The following NRG2 variants were observed in gnomAD, a reference collection of about 807,000 sequenced individuals.
The protein encoded by NRG2 is pro-neuregulin-2, membrane-bound isoform.
A neutral mutation model predicts 73.9 loss-of-function variants in NRG2; 27 were observed. The ratio of observed to expected loss-of-function variants is 0.37; its 90% confidence interval spans 0.27 to 0.50. The LOEUF (loss-of-function observed/expected upper bound fraction) is 0.50, where lower values mean the gene tolerates loss of function less well. Ranked by LOEUF, NRG2 falls within the 20% of genes least tolerant of loss-of-function variation. NRG2 has a pLI of 0.96. For synonymous variants in NRG2, 532 were observed against 541.0 expected, an observed-to-expected ratio of 0.98 and a Z score of 0.23; for missense variants, 1,126 against 1,210.1, an observed-to-expected ratio of 0.93 and a Z score of 1.03.
chr5:139,923,551 C>G (rs1326073967), intron 1 of NRG2, among the ~76,000 whole-genome samples: 2 of 152,208 alleles, frequency 1.3e-5, no homozygotes, highest in African/African-American at 4.8e-5. Context: ...AGCCTAGTTT[C>G]CTTCTCTCCA....
intron 1 of NRG2, among the ~76,000 whole-genome samples, chr5:139,930,586 A>C (rs979755733): frequency 1.3e-5 from 2 of 152,116 alleles, no homozygotes; most frequent in African/African-American, 4.8e-5. Flanking sequence ...TGCAGAACAC[A>C]CTTCTGCTTC....
At chr5:139,938,884 G>A (rs1753077836) in intron 1 of NRG2, among the ~76,000 whole-genome samples, 1 of 44,374 alleles carries the variant, frequency 2.3e-5, no homozygotes, top group Non-Finnish European at 4.0e-5. Context: ...GAGAGAGAAG[G>A]AAAGAAAGAA....
At chr5:140,033,455 A>G (rs1195726586) in intron 1 of NRG2, among the ~76,000 whole-genome samples, 3 of 152,224 alleles carry the variant, frequency 2.0e-5, no homozygotes, top group Non-Finnish European at 2.9e-5. Flanking sequence ...TGAAACAGAG[A>G]AAAACAGTAT....
chr5:140,035,983 C>T (rs539819375), intron 1 of NRG2, among the ~76,000 whole-genome samples: 1 of 152,270 alleles, frequency 6.6e-6, no homozygotes, highest in Non-Finnish European at 1.5e-5. Context: ...GCTCTAGAAA[C>T]ATCTGCAAGG....
intron 1 of NRG2, among the ~76,000 whole-genome samples, chr5:139,981,267 G>A (rs1415398014): frequency 1.3e-5 from 2 of 152,156 alleles, no homozygotes; most frequent in African/African-American, 2.4e-5. Flanking sequence ...GTGCCCCTCC[G>A]ACATCCCCTT....
rs960894064 is a variant in NRG2, at chr5:139,868,152, C to A, written c.1113-2527G>T. Among the ~76,000 whole-genome samples, 5 of 152,110 alleles carry A rather than the reference C, an allele frequency of 3.3e-5. No homozygotes were observed. ...CACAGTGGGGGTGGTGGAAGGCTGACAGCTACTGCTGTTCTTTGGGGTGCT... is the reference window on the plus strand; with the variant it reads ...CACAGTGGGGGTGGTGGAAGGCTGAAAGCTACTGCTGTTCTTTGGGGTGCT... On this transcript the variant is annotated intron_variant, in intron 4 of 9. Coordinates refer to ENST00000361474, the MANE Select transcript of NRG2 (RefSeq NM_004883.3). This position sits in a 1 kb window ranked among gnomAD's most constrained non-coding sequence, Gnocchi z 4.2.
chr5:139,919,498 T>C (rs1385151990), intron 1 of NRG2, among the ~76,000 whole-genome samples: 1 of 151,926 alleles, frequency 6.6e-6, no homozygotes, highest in Non-Finnish European at 1.5e-5. Context: ...TAGAGGTGGG[T>C]GTTAAGTAAT....
At chr5:139,895,441 C>T (rs1260656415) in intron 1 of NRG2, among the ~76,000 whole-genome samples, 1 of 152,174 alleles carries the variant, frequency 6.6e-6, no homozygotes, top group South Asian at 2.1e-4. Context: ...CATAGGGATA[C>T]CCAGTACAGA....
intron 1 of NRG2, among the ~76,000 whole-genome samples, chr5:140,004,605 A>G (rs1272217526): frequency 6.6e-6 from 1 of 152,218 alleles, no homozygotes; most frequent in Admixed American, 6.5e-5. Context: ...ACTCAAGCTG[A>G]GGTACAGTAC....
At position 139,852,778 on chromosome 5, in the gene NRG2, A is replaced by C; in HGVS notation, c.1416+126T>G. 6.7e-7 allele frequency: 1 copy of C among 1,486,992 alleles called. No individual in the cohort carries two copies. Among genetic ancestry groups the C allele is most frequent in the Non-Finnish European group, 9.1e-7 (1 of 1,093,592 alleles). 92.1% of individuals were successfully genotyped at this position (1,486,992 alleles called of 1,614,324 possible). A position where few individuals can be genotyped will look rare whatever the true frequency, so the allele number is the denominator to read the frequency against. ...CCAAGGCCAGCCATCCTGGTGAGGCAGTGCCTAGCAGGCAAGGCTGGCCAT... is the reference window on the plus strand; with the variant it reads ...CCAAGGCCAGCCATCCTGGTGAGGCCGTGCCTAGCAGGCAAGGCTGGCCAT... On this transcript the variant is annotated intron_variant, in intron 7 of 9. Coordinates refer to ENST00000361474, the MANE Select transcript of NRG2 (RefSeq NM_004883.3). This position sits in a 1 kb window ranked among gnomAD's most constrained non-coding sequence, Gnocchi z 4.4.
At chr5:139,874,930 C>T (rs1395921365) in intron 3 of NRG2, among the ~76,000 whole-genome samples, 6 of 152,162 alleles carry the variant, frequency 3.9e-5, no homozygotes, top group Non-Finnish European at 5.9e-5. Flanking sequence ...TGGTCAGGCT[C>T]CTCCCTTATT....
In NRG2 at chr5:139,869,910, G is replaced by T. The variant is rs1274360908; in HGVS notation, c.1112+1811C>A. 6.6e-6 allele frequency among the ~76,000 whole-genome samples: 1 copy of T among 152,186 alleles called. No individual in the cohort carries two copies. Among genetic ancestry groups the T allele is most frequent in the Non-Finnish European group, 1.5e-5 (1 of 68,024 alleles). On this transcript the variant is annotated intron_variant, in intron 4 of 9. Coordinates refer to ENST00000361474, the MANE Select transcript of NRG2 (RefSeq NM_004883.3). This position sits in a 1 kb window ranked among gnomAD's most constrained non-coding sequence, Gnocchi z 4.5. ...CTAGCACTGGAGCCCTGGCCCCCAT[G>T]GCCCTCCTCAGCCCTGGCACCTGTC... is the stretch of plus-strand genomic sequence containing the variant.
In NRG2 at chr5:139,887,673, A is replaced by G. The variant is rs1356619335; in HGVS notation, c.701-162T>C. Among the ~76,000 whole-genome samples, 1 of 152,136 alleles carries G rather than the reference A, an allele frequency of 6.6e-6. No homozygotes were observed. The highest frequency in any genetic ancestry group is 1.5e-5 in the Non-Finnish European group (1 of 68,024). ...GTGTCATTTCCTAGTTCAATTCAAT[A>G]AGCATTTATAATGAGTCTGTGATGA... On this transcript the variant is annotated intron_variant, in intron 1 of 9. Coordinates refer to ENST00000361474, the MANE Select transcript of NRG2 (RefSeq NM_004883.3). The surrounding 1 kb of genome is among the most constrained non-coding windows in gnomAD (Gnocchi z 4.5).
chr5:139,934,902 T>TG (rs1456813593), intron 1 of NRG2, among the ~76,000 whole-genome samples: 1 of 152,198 alleles, frequency 6.6e-6, no homozygotes, highest in East Asian at 1.9e-4. Flanking sequence ...CGGTGGCTCA[T>TG]GCCTGTAATC....
intron 1 of NRG2, among the ~76,000 whole-genome samples, chr5:139,982,047 T>C (rs1363121995): frequency 6.6e-6 from 1 of 152,152 alleles, no homozygotes; most frequent in Non-Finnish European, 1.5e-5. Context: ...AGACCTTACA[T>C]GGTTCAGGGG....
chr5:140,029,679 C>T (rs1760977761), intron 1 of NRG2, among the ~76,000 whole-genome samples: 2 of 82,286 alleles, frequency 2.4e-5, no homozygotes, highest in South Asian at 3.1e-4. Context: ...CAGAGCAAGA[C>T]TCTGTCTCAA....
At chr5:139,861,576 A>G (rs1253322503) in intron 5 of NRG2, among the ~76,000 whole-genome samples, 2 of 152,240 alleles carry the variant, frequency 1.3e-5, no homozygotes, top group Admixed American at 6.5e-5. Context: ...GACACAAGCC[A>G]TTCTTGTACT....
chr5:140,000,414 C>T (rs1349703901), intron 1 of NRG2, among the ~76,000 whole-genome samples: 2 of 152,242 alleles, frequency 1.3e-5, no homozygotes, highest in African/African-American at 4.8e-5. Flanking sequence ...GCTTAGCACT[C>T]TAGCCACTCC....
At chr5:139,891,188 G>C (rs1764191779) in intron 1 of NRG2, among the ~76,000 whole-genome samples, 1 of 152,206 alleles carries the variant, frequency 6.6e-6, no homozygotes, top group Non-Finnish European at 1.5e-5. Context: ...CTTGGTTCCT[G>C]ACATGAGTTC....
Sources: allele counts gnomAD v4.1 joint callset (sites outside exome capture counted in the v4.1 genomes callset), GRCh38; gene constraint gnomAD v4.1.1; non-coding constraint Gnocchi (gnomAD v3.1); transcripts MANE v1.5; gene names NCBI Gene and HGNC (gene_info 2026-07-23, HGNC 2026-07-21).